Variants in PCDHA7 observed in about 807,000 individuals in gnomAD.
PCDHA7 encodes the protein protocadherin alpha-7.
In PCDHA7, 37 loss-of-function variants were observed where a neutral mutation model predicts 57.2. The observed-to-expected ratio is 0.65, with a 90% confidence interval of 0.50 to 0.85. The LOEUF is 0.85. Among genes scored for constraint, PCDHA7 ranks in the 40% least tolerant of loss-of-function variants. PCDHA7 has a pLI of 0.00. For synonymous variants in PCDHA7, 553 were observed against 558.8 expected, an observed-to-expected ratio of 0.99 and a Z score of 0.15; for missense variants, 1,188 against 1,241.8, an observed-to-expected ratio of 0.96 and a Z score of 0.65.
intron 1 of PCDHA7, chr5:140,928,827 A>G (rs1554206364): frequency 6.2e-7 from 1 of 1,614,130 alleles, no homozygotes. Flanking sequence ...GAGACCCACC[A>G]CTTTCCTCCT....
In PCDHA7 at chr5:140,834,408, C is replaced by A. The variant is rs1422955156; in HGVS notation, c.25C>A (p.Pro9Thr). 3 of 1,609,996 alleles carry A rather than the reference C, an allele frequency of 1.9e-6. No individual in the cohort carries two copies. Among genetic ancestry groups the A allele is most frequent in the Non-Finnish European group, 2.5e-6 (3 of 1,177,638 alleles). ...AATGGTGTGCCCGAATGGATACGAC[C>A]CAGGGGGCCGACATCTACTGCTGTT... MVCPNGYDPGGRHLLLFII... is the reference protein window; with the variant it reads MVCPNGYDTGGRHLLLFII... The change falls in exon 1 of 4, where the codon CCA (proline) becomes ACA (threonine). Residue 9 changes from proline to threonine, a missense_variant. Coordinates refer to ENST00000525929, the MANE Select transcript of PCDHA7 (RefSeq NM_018910.3).
Position 140,834,321 on chromosome 5 carries a change from A to T in PCDHA7, c.-63A>T, listed in dbSNP as rs1412819527. ...ACATCGAGATTGAAATGAAGGGATA[A>T]AAACATTCCTATAAATTCGAAGGCA... On this transcript the variant is annotated 5_prime_UTR_variant, in exon 1 of 4. It removes the in-frame stop codon of an upstream open reading frame in the 5' UTR. Transcript: ENST00000525929. The T allele has an allele frequency of 6.9e-7, 1 of 1,440,210 alleles. No individual in the cohort carries two copies. The highest frequency in any genetic ancestry group is 9.4e-7 in the Non-Finnish European group (1 of 1,058,314). 89.2% of individuals were successfully genotyped at this position (1,440,210 alleles called of 1,614,324 possible). A position where few individuals can be genotyped will look rare whatever the true frequency, so the allele number is the denominator to read the frequency against.
chr5:141,001,489 T>C (rs2098020927), intron 3 of PCDHA7, among the ~76,000 whole-genome samples: 3 of 152,236 alleles, frequency 2.0e-5, no homozygotes. Context: ...GTGCTGGAAA[T>C]GCTAGCCCAG....
chr5:140,958,116 T>G (rs2095410051), intron 1 of PCDHA7, among the ~76,000 whole-genome samples: 1 of 152,060 alleles, frequency 6.6e-6, no homozygotes, highest in African/African-American at 2.4e-5. Context: ...TGGTTCCATT[T>G]TGTAAAATGT....
intron 3 of PCDHA7, among the ~76,000 whole-genome samples, chr5:140,990,141 C>A (rs2097376222): frequency 6.6e-6 from 1 of 151,818 alleles, no homozygotes; most frequent in African/African-American, 2.4e-5. Flanking sequence ...ACTCAAGAGG[C>A]ATAATAATAG....
chr5:140,966,984 G>C lies in PCDHA7; in HGVS notation c.2356-11965G>C, dbSNP rs1217682338. ...CTGGGGCTTGAGCTGCGGCGCTTGGGGCCGGGTTGCTTGCGCATCAACCAT... is the reference window on the plus strand; with the variant it reads ...CTGGGGCTTGAGCTGCGGCGCTTGGCGCCGGGTTGCTTGCGCATCAACCAT... On this transcript the variant is annotated intron_variant, in intron 1 of 3. Transcript: ENST00000525929. 21 of 1,603,802 alleles carry C rather than the reference G, an allele frequency of 1.3e-5. No homozygotes were observed. The East Asian group carries it at 4.5e-4, about 34-fold the overall frequency.
At chr5:140,859,117 T>C (rs1441256234) in intron 1 of PCDHA7, 3 of 150,206 alleles carry the variant, frequency 2.0e-5, no homozygotes, top group Non-Finnish European at 4.5e-5. Context: ...AGAAAATGTA[T>C]GTTTCTTTTA....
rs782716439 is a variant in PCDHA7, at chr5:140,858,074, A to C, written c.2355+21336A>C. The stretch of plus-strand genomic sequence containing the variant: ...GCTTGTGGAGGGCAGCCAGGCACCC[A>C]AGGCCTCGTCGCGGGCTTCAGTGGG... On this transcript the variant is annotated intron_variant, in intron 1 of 3. Coordinates refer to ENST00000525929, the MANE Select transcript of PCDHA7 (RefSeq NM_018910.3). 3 of 1,597,526 alleles carry C rather than the reference A, an allele frequency of 1.9e-6. No homozygotes were observed. The African/African-American group carries it at 4.0e-5, about 21-fold the overall frequency.
chr5:140,963,072 CAG>C (rs1366711310), intron 1 of PCDHA7, among the ~76,000 whole-genome samples: 5 of 151,824 alleles, frequency 3.3e-5, no homozygotes, highest in African/African-American at 1.2e-4. Flanking sequence ...GTGAAGGAGA[CAG>C]AAATATAAGA....
At chr5:140,858,685 T>C in intron 1 of PCDHA7, 1 of 595,990 alleles carries the variant, frequency 1.7e-6, no homozygotes, top group Non-Finnish European at 2.8e-6. Flanking sequence ...AATACACTAA[T>C]ATTTTCCAAT....
chr5:140,940,940 G>A (rs187772223), intron 1 of PCDHA7, among the ~76,000 whole-genome samples: 2 of 152,254 alleles, frequency 1.3e-5, no homozygotes, highest in Non-Finnish European at 2.9e-5. Context: ...CTTAGACTAC[G>A]TATTCTCAGA....
chr5:140,901,263 G>A (rs967047702), intron 1 of PCDHA7, among the ~76,000 whole-genome samples: 1 of 151,938 alleles, frequency 6.6e-6, no homozygotes, highest in Admixed American at 6.6e-5. Flanking sequence ...GTGATTGTGG[G>A]GTATTACTCA....
At chr5:140,990,114 A>G (rs1392233617) in intron 3 of PCDHA7, among the ~76,000 whole-genome samples, 9 of 151,936 alleles carry the variant, frequency 5.9e-5, no homozygotes, top group Admixed American at 4.6e-4. Flanking sequence ...GGAAATTGAG[A>G]GCTCTGTAGA....
At chr5:140,904,303 G>A (rs1176685220) in intron 1 of PCDHA7, among the ~76,000 whole-genome samples, 3 of 151,902 alleles carry the variant, frequency 2.0e-5, no homozygotes, top group African/African-American at 7.3e-5. Flanking sequence ...CCATTCCTGA[G>A]TTTCTTCACT....
intron 1 of PCDHA7, among the ~76,000 whole-genome samples, chr5:140,888,353 A>G (rs907810387): frequency 1.9e-4 from 29 of 152,220 alleles, no homozygotes; most frequent in African/African-American, 6.8e-4. Context: ...GGGAATTGCT[A>G]CTGGCATCTA....
chr5:140,995,334 T>C (rs2097677447), intron 3 of PCDHA7, among the ~76,000 whole-genome samples: 1 of 152,184 alleles, frequency 6.6e-6, no homozygotes, highest in Non-Finnish European at 1.5e-5. Context: ...GTGAGTAGTG[T>C]AGACGGCATG....
chr5:140,983,270 GGGT>G (rs1349296894), intron 3 of PCDHA7, among the ~76,000 whole-genome samples: 4 of 152,152 alleles, frequency 2.6e-5, no homozygotes, highest in Non-Finnish European at 2.9e-5. Flanking sequence ...CCTAATGGCT[GGGT>G]GAGTATAGGA....
chr5:140,879,564 A>G (rs1232052888), intron 1 of PCDHA7, among the ~76,000 whole-genome samples: 2 of 152,254 alleles, frequency 1.3e-5, no homozygotes, highest in Non-Finnish European at 1.5e-5. Context: ...CCATGAAAGA[A>G]TAAAATTGCC....
chr5:140,836,290 C>A lies in PCDHA7; in HGVS notation c.1907C>A (p.Ala636Asp), dbSNP rs2150256990. 6.2e-7 allele frequency: 1 copy of A among 1,613,742 alleles called. No homozygotes were observed. Among genetic ancestry groups the A allele is most frequent in the Non-Finnish European group, 8.5e-7 (1 of 1,179,804 alleles). ...LYTGEISTTR[A>D]LDETDAPRHR... ...ACTGGTGAGATCAGCACGACACGAGCCCTAGATGAGACGGACGCACCGCGC... is the reference window on the plus strand; with the variant it reads ...ACTGGTGAGATCAGCACGACACGAGACCTAGATGAGACGGACGCACCGCGC... The change falls in exon 1 of 4, where the codon GCC becomes GAC. Residue 636 changes from alanine (A) to aspartate (D), a missense_variant. Transcript: ENST00000525929.
Sources: gnomAD v4.1 joint callset for allele counts (sites outside exome capture counted in the v4.1 genomes callset) on GRCh38, gnomAD v4.1.1 for gene constraint, MANE v1.5 for transcripts, NCBI Gene and HGNC (gene_info 2026-07-23, HGNC 2026-07-21) for gene names.